The following RABGAP1L variants were observed in gnomAD, a reference collection of about 807,000 sequenced individuals.
The protein encoded by RABGAP1L is RAB GTPase activating protein 1 like.
A neutral mutation model predicts 137.7 loss-of-function variants in RABGAP1L; 63 were observed. That is an observed-to-expected ratio of 0.46 (90% CI 0.37 to 0.56). The LOEUF is 0.56. Among genes scored for constraint, RABGAP1L ranks in the 20% least tolerant of loss-of-function variants. The pLI is 0.00. For synonymous variants in RABGAP1L, 431 were observed against 433.7 expected (o/e 0.99, Z 0.08); for missense variants, 1,095 against 1,244.0 (o/e 0.88, Z 1.80).
At chr1:174,943,281 C>G (rs1159567471) in intron 19 of RABGAP1L, among the ~76,000 whole-genome samples, 2 of 152,136 alleles carry the variant, frequency 1.3e-5, no homozygotes, top group African/African-American at 4.8e-5. Flanking sequence ...CAATTTTTAT[C>G]TTGCACTGAG....
chr1:174,775,816 G>A (rs764109113), intron 18 of RABGAP1L, among the ~76,000 whole-genome samples: 5 of 152,090 alleles, frequency 3.3e-5, no homozygotes, highest in Non-Finnish European at 5.9e-5. Context: ...GGTCTGTGAT[G>A]GTCCCTCACA....
intron 17 of RABGAP1L, among the ~76,000 whole-genome samples, chr1:174,746,535 G>T (rs1244657893): frequency 6.6e-6 from 1 of 152,076 alleles, no homozygotes; most frequent in East Asian, 1.9e-4. Flanking sequence ...TCACTTATTT[G>T]TTATCTTTTT....
chr1:174,810,432 A>G (rs558023714), intron 18 of RABGAP1L, among the ~76,000 whole-genome samples: 1 of 152,362 alleles, frequency 6.6e-6, no homozygotes, highest in South Asian at 2.1e-4. Flanking sequence ...CTTGCTAGTC[A>G]TGATAATGAC....
intron 19 of RABGAP1L, among the ~76,000 whole-genome samples, chr1:174,839,202 G>A (rs1350557292): frequency 6.6e-6 from 1 of 152,074 alleles, no homozygotes; most frequent in Non-Finnish European, 1.5e-5. Context: ...CTCCATCTGT[G>A]TTCCTATACT....
At chr1:174,627,763 A>G (rs1572586360) in intron 13 of RABGAP1L, among the ~76,000 whole-genome samples, 3 of 152,318 alleles carry the variant, frequency 2.0e-5, no homozygotes, top group South Asian at 2.1e-4. Flanking sequence ...TGGGAGATGT[A>G]ACTCAGTTTT....
At chr1:174,302,570 A>G (rs1677818205) in intron 10 of RABGAP1L, among the ~76,000 whole-genome samples, 1 of 152,154 alleles carries the variant, frequency 6.6e-6, no homozygotes, top group South Asian at 2.1e-4. Context: ...CCTGTTTTTT[A>G]TTTTCAGGCA....
At chr1:174,485,377 T>C (rs1659527232) in intron 13 of RABGAP1L, among the ~76,000 whole-genome samples, 1 of 152,222 alleles carries the variant, frequency 6.6e-6, no homozygotes, top group African/African-American at 2.4e-5. Context: ...AGTACTATGT[T>C]GAATAACAGT....
At chr1:174,929,617 G>T (rs1304012966) in intron 19 of RABGAP1L, among the ~76,000 whole-genome samples, 5 of 151,740 alleles carry the variant, frequency 3.3e-5, no homozygotes, top group Admixed American at 2.6e-4. Context: ...AGTGGCATGC[G>T]CCTGTAGTCC....
chr1:174,614,643 A>T (rs141774212), intron 13 of RABGAP1L, among the ~76,000 whole-genome samples: 3,695 of 152,276 alleles, frequency 0.024, 146 homozygotes, highest in African/African-American at 0.084. Context: ...AGATTGGGGA[A>T]GTTCTCCTGA....
intron 20 of RABGAP1L, among the ~76,000 whole-genome samples, chr1:174,967,746 CA>C (rs1218886324): frequency 6.6e-6 from 1 of 152,028 alleles, no homozygotes; most frequent in Non-Finnish European, 1.5e-5. Context: ...CTCAGGCTCC[CA>C]AAGTATTGAG....
intron 17 of RABGAP1L, among the ~76,000 whole-genome samples, chr1:174,746,211 C>T (rs1683852549): frequency 6.6e-6 from 1 of 152,192 alleles, no homozygotes; most frequent in Non-Finnish European, 1.5e-5. Context: ...AATCCTTGGC[C>T]TACCCAAGAA....
intron 7 of RABGAP1L, among the ~76,000 whole-genome samples, chr1:174,270,878 G>GAC (rs1270587786): frequency 6.6e-6 from 1 of 152,098 alleles, no homozygotes; most frequent in African/African-American, 2.4e-5. Flanking sequence ...AGTATGTAGG[G>GAC]ATGTGTGAGA....
intron 13 of RABGAP1L, among the ~76,000 whole-genome samples, chr1:174,507,004 G>A (rs897299550): frequency 6.6e-6 from 1 of 152,150 alleles, no homozygotes; most frequent in Non-Finnish European, 1.5e-5. Context: ...CCAGCTACTT[G>A]GGGGGCTGAG....
intron 10 of RABGAP1L, among the ~76,000 whole-genome samples, chr1:174,296,561 G>A (rs1444526697): frequency 6.6e-6 from 1 of 152,166 alleles, no homozygotes; most frequent in Non-Finnish European, 1.5e-5. Flanking sequence ...CAGATTTGGT[G>A]TAATTCAGAA....
At chr1:174,953,317 C>T (rs1032605828) in intron 19 of RABGAP1L, among the ~76,000 whole-genome samples, 1 of 152,162 alleles carries the variant, frequency 6.6e-6, no homozygotes, top group African/African-American at 2.4e-5. Flanking sequence ...GTATTCTTTT[C>T]AGTCTTCCCC....
chr1:174,197,869 CT>C, intron 1 of RABGAP1L, among the ~76,000 whole-genome samples: 1 of 152,088 alleles, frequency 6.6e-6, no homozygotes, highest in South Asian at 2.1e-4. Context: ...TAGCTGACAC[CT>C]TTTCATGAAG....
chr1:174,220,575 T>A (rs1364443251), intron 2 of RABGAP1L: 2 of 153,852 alleles, frequency 1.3e-5, no homozygotes, highest in African/African-American at 4.8e-5. Context: ...GGCTGAGGCA[T>A]GAGAATCGCT....
At chr1:174,169,691 C>CT (rs1462936033) in intron 1 of RABGAP1L, among the ~76,000 whole-genome samples, 5 of 151,550 alleles carry the variant, frequency 3.3e-5, no homozygotes, top group Non-Finnish European at 7.4e-5. Flanking sequence ...ACAATTTTTC[C>CT]TTTTTTTCAT....
chr1:174,256,823 C>A (rs1265325926), intron 7 of RABGAP1L, among the ~76,000 whole-genome samples: 1 of 152,044 alleles, frequency 6.6e-6, no homozygotes, highest in African/African-American at 2.4e-5. Flanking sequence ...GAAAATATAT[C>A]CTGCTCCTCA....
Sources: gnomAD v4.1 joint callset for allele counts (sites outside exome capture counted in the v4.1 genomes callset) on GRCh38, gnomAD v4.1.1 for gene constraint, MANE v1.5 for transcripts, NCBI Gene and HGNC (gene_info 2026-07-23, HGNC 2026-07-21) for gene names.